The following KIF26A variants were observed in gnomAD, a reference collection of about 807,000 sequenced individuals.
KIF26A encodes kinesin-like protein KIF26A.
Under a neutral mutation model 126.0 loss-of-function variants are expected in KIF26A, and 74 were observed. The ratio of observed to expected loss-of-function variants is 0.59; its 90% CI spans 0.49 to 0.71. The LOEUF (loss-of-function observed/expected upper bound fraction) is 0.71, where lower values mean the gene tolerates loss of function less well. Among genes scored for constraint, KIF26A ranks in the 30% least tolerant of loss-of-function variants. KIF26A has a pLI of 0.00. For missense variants in KIF26A, 2,984 were observed against 2,763.3 expected, an observed-to-expected ratio of 1.08 and a Z score of -1.79; for synonymous variants, 1,445 against 1,232.7, an observed-to-expected ratio of 1.17 and a Z score of -3.61.
At chr14:104,166,019 T>C (rs1325380355) in intron 4 of KIF26A, among the ~76,000 whole-genome samples, 2 of 152,064 alleles carry the variant, frequency 1.3e-5, no homozygotes, top group Non-Finnish European at 2.9e-5. Context: ...CTTCTGGGAG[T>C]TCCCTGGGGG....
At chr14:104,179,582 G>C (rs989961145) in intron 14 of KIF26A, 27 bp from the exon 15 acceptor site, 1 of 1,485,030 alleles carries the variant, frequency 6.7e-7, no homozygotes, top group African/African-American at 1.4e-5. Context: ...TGACGCAGGT[G>C]CCCCTCCCCT....
In KIF26A at chr14:104,171,920, C is replaced by G; in HGVS notation, c.1311C>G (p.Pro437=). 1 of 1,553,906 alleles carries G rather than the reference C, an allele frequency of 6.4e-7. No homozygotes were observed. The highest frequency in any genetic ancestry group is 8.7e-7 in the Non-Finnish European group (1 of 1,149,682). ...PKMFAFDAVF[P]QDSEQAEVCS... The stretch of plus-strand genomic sequence containing the variant: ...TGTTTGCCTTCGATGCCGTCTTCCC[C>G]CAGGACTCCGAGCAGGTACGGGCAG... Residue 437 remains proline (P), a synonymous_variant, in exon 6 of 15, where the codon CCC becomes CCG. Transcript: ENST00000423312.
chr14:104,157,981 G>T (rs766956299), intron 4 of KIF26A, 39 bp downstream of exon 4: 1 of 1,459,438 alleles, frequency 6.9e-7, no homozygotes, highest in Non-Finnish European at 9.1e-7. Flanking sequence ...TGTGGGCAGG[G>T]CCCCATGGCC....
intron 4 of KIF26A, among the ~76,000 whole-genome samples, chr14:104,165,531 C>T (rs1566860882): frequency 1.0e-5 from 1 of 99,406 alleles, no homozygotes; most frequent in Non-Finnish European, 1.9e-5. Context: ...ATGTGTGTAT[C>T]TTTGTGTCTA....
chr14:104,149,406 G>A (rs1223070043), intron 2 of KIF26A, among the ~76,000 whole-genome samples: 2 of 152,204 alleles, frequency 1.3e-5, no homozygotes, highest in Non-Finnish European at 2.9e-5. Context: ...AGGTACCCTG[G>A]CCCAGATGCC....
intron 2 of KIF26A, among the ~76,000 whole-genome samples, chr14:104,140,056 G>GCTGCCA (rs376298807): frequency 6.6e-6 from 1 of 152,188 alleles, no homozygotes; most frequent in African/African-American, 2.4e-5. Flanking sequence ...GCCCGCTGCC[G>GCTGCCA]GGCCTTCAGC....
Position 104,171,800 on chromosome 14 carries a change from C to G in KIF26A, c.1191C>G (p.Asp397Glu). 1 of 1,571,076 alleles carries G rather than the reference C, an allele frequency of 6.4e-7. No individual in the cohort carries two copies. Among genetic ancestry groups the G allele is most frequent in the Non-Finnish European group, 8.6e-7 (1 of 1,159,140 alleles). The change falls in exon 6 of 15, where the codon GAC becomes GAG. Residue 397 changes from aspartate (D) to glutamate (E), a missense_variant. Coordinates refer to ENST00000423312, the MANE Select transcript of KIF26A (RefSeq NM_015656.2). ...SAEAMSFLKV[D>E]PRKKQVILYD... ...AGGCCATGTCCTTCCTGAAGGTGGA[C>G]CCTCGGAAGAAGCAGGTGATCCTCT...
At chr14:104,174,033 TG>T in intron 10 of KIF26A, 114 bp from the exon 11 acceptor site, 1 of 1,408,424 alleles carries the variant, frequency 7.1e-7, no homozygotes, top group Non-Finnish European at 9.4e-7. Context: ...GGCCCCACGC[TG>T]GGCTGGTGCC....
rs771825279 is a variant in KIF26A, at chr14:104,176,222, GC to G, written c.3440del (p.Pro1147LeufsTer101). ...PDSLAGLDPG[G>X]PPALDGSLGD... ...TCGCTGGCAGGGCTTGACCCTGGGG[GC>G]CCCCCTGCCCTGGATGGTTCCCTGG... On this transcript the variant is annotated frameshift_variant, in exon 12 of 15. Transcript: ENST00000423312. LOFTEE classifies it high-confidence loss of function. 7 of 1,600,466 alleles carry G rather than the reference GC, an allele frequency of 4.4e-6. No homozygotes were observed. The highest frequency in any genetic ancestry group is 1.1e-5 in the South Asian group (1 of 88,738).
At chr14:104,141,210 G>A (rs2037634336) in intron 2 of KIF26A, among the ~76,000 whole-genome samples, 1 of 152,196 alleles carries the variant, frequency 6.6e-6, no homozygotes, top group Middle Eastern at 3.2e-3. Flanking sequence ...GGGTGGCCAG[G>A]GAGACCCCAG....
chr14:104,179,676 G>A lies in KIF26A; in HGVS notation c.5535G>A (p.Ala1845=), dbSNP rs372979924. 2.5e-4 allele frequency: 386 copies of A among 1,548,578 alleles called. No individual in the cohort carries two copies. The highest frequency in any genetic ancestry group is 3.0e-4 in the Non-Finnish European group (340 of 1,146,172). The change falls in exon 15 of 15, where the codon GCG becomes GCA. Residue 1845 remains alanine, a synonymous_variant. Transcript: ENST00000423312. The part of the protein sequence containing the change: ...EYLAALERAT[A]ALEQCVNLCK... ...TGGCGGCCCTGGAGCGAGCCACGGC[G>A]GCCCTGGAGCAGTGCGTGAACCTGT...
At chr14:104,174,646 G>C (rs1433130874) in intron 11 of KIF26A, among the ~76,000 whole-genome samples, 1 of 152,122 alleles carries the variant, frequency 6.6e-6, no homozygotes, top group Non-Finnish European at 1.5e-5. Context: ...CCCTCTCTGG[G>C]GCTGGAGGGT....
At chr14:104,144,105 C>T (rs1040494039) in intron 2 of KIF26A, among the ~76,000 whole-genome samples, 7 of 152,186 alleles carry the variant, frequency 4.6e-5, no homozygotes, top group South Asian at 2.1e-4. Flanking sequence ...GTGCTGCCTC[C>T]GGGATTCCCT....
intron 7 of KIF26A, 148 bp from the exon 8 acceptor site, chr14:104,172,829 C>G: frequency 1.7e-6 from 2 of 1,201,030 alleles, no homozygotes; most frequent in Non-Finnish European, 2.3e-6. Context: ...AAGCTGAACC[C>G]CTGCCGAACT....
Position 104,152,095 on chromosome 14 carries a change from C to T in KIF26A, c.369C>T (p.Arg123=), listed in dbSNP as rs1019814995. The part of the protein sequence containing the change: ...ALPACRPEAE[R]RCDVCATHLQ... Reference sequence around the variant, plus strand: ...CAGCCTGTCGCCCAGAGGCCGAGCGCCGCTGTGACGTCTGCGCCACACACC... The same window carrying T: ...CAGCCTGTCGCCCAGAGGCCGAGCGTCGCTGTGACGTCTGCGCCACACACC... The change falls in exon 3 of 15, where the codon CGC becomes CGT. Residue 123 remains arginine (R), a synonymous_variant. Coordinates refer to ENST00000423312, the MANE Select transcript of KIF26A (RefSeq NM_015656.2). The surrounding 1 kb of genome is among the most constrained non-coding windows in gnomAD (Gnocchi z 5.9). The T allele has an allele frequency of 4.3e-6, 7 of 1,612,452 alleles. No homozygotes were observed. Among genetic ancestry groups the T allele is most frequent in the East Asian group, 2.2e-5 (1 of 44,886 alleles).
rs979644924 is a variant in KIF26A at position 104,154,840 on chromosome 14, G to A, written c.735+2379G>A. Among the ~76,000 whole-genome samples the A allele has an allele frequency of 3.3e-5, 5 of 152,360 alleles. No homozygotes were observed. In the South Asian group the frequency reaches 1.0e-3, roughly 32 times the overall value. On this transcript the variant is annotated intron_variant, in intron 3 of 14. Coordinates refer to ENST00000423312, the MANE Select transcript of KIF26A (RefSeq NM_015656.2). ...AGTGTGGGGTGCTGGAGGTGTTGAC[G>A]GTGGCCCTGAGGAGCGGGGGTGCCT...
chr14:104,144,047 G>A (rs779324934), intron 2 of KIF26A, among the ~76,000 whole-genome samples: 1 of 152,216 alleles, frequency 6.6e-6, no homozygotes, highest in African/African-American at 2.4e-5. Context: ...GCCCAGCCTC[G>A]CTGTGCAGCC....
rs772815536 is a variant in KIF26A at position 104,175,204 on chromosome 14, A to G, written c.2416A>G (p.Thr806Ala). Residue 806 changes from threonine to alanine, a missense_variant, in exon 12 of 15, where the codon ACC (threonine) becomes GCC (alanine). Thr to Ala is a moderately conservative substitution (Grantham distance 58). Coordinates refer to ENST00000423312, the MANE Select transcript of KIF26A (RefSeq NM_015656.2). ...GGCGGCGCTGTCAGACCGGGAGCTCACCGACAACGAAGGTCCGCCTGACTT... is the reference window on the plus strand; with the variant it reads ...GGCGGCGCTGTCAGACCGGGAGCTCGCCGACAACGAAGGTCCGCCTGACTT... ...GGAALSDREL[T>A]DNEGPPDFVP... 2 of 1,609,704 alleles carry G rather than the reference A, an allele frequency of 1.2e-6. No individual in the cohort carries two copies. Among genetic ancestry groups the G allele is most frequent in the Non-Finnish European group, 1.7e-6 (2 of 1,179,146 alleles).
chr14:104,174,113 C>T (rs746212892), intron 10 of KIF26A, 35 bp from the exon 11 acceptor site: 1 of 1,514,694 alleles, frequency 6.6e-7, no homozygotes, highest in Non-Finnish European at 8.9e-7. Context: ...GCTCCCTTCC[C>T]AAGGCCTTGG....
Sources: allele counts gnomAD v4.1 joint callset (sites outside exome capture counted in the v4.1 genomes callset), GRCh38; gene constraint gnomAD v4.1.1; non-coding constraint Gnocchi (gnomAD v3.1); transcripts MANE v1.5; gene names NCBI Gene and HGNC (gene_info 2026-07-23, HGNC 2026-07-21).